Variants in PITPNC1 observed in about 807,000 individuals in gnomAD.
PITPNC1 encodes the protein phosphatidylinositol transfer protein cytoplasmic 1.
In PITPNC1, 18 loss-of-function variants were observed where a neutral mutation model predicts 44.7. The observed-to-expected ratio is 0.40, with a 90% CI of 0.28 to 0.60. The LOEUF is 0.60. PITPNC1 is among the 20% of genes least tolerant of loss of function. PITPNC1 has a pLI of 0.39. For synonymous variants in PITPNC1, 141 were observed against 149.6 expected (o/e 0.94, Z 0.42); for missense variants, 290 against 418.4 (o/e 0.69, Z 2.68).
At chr17:67,669,100 C>T (rs1441503220) in intron 6 of PITPNC1, among the ~76,000 whole-genome samples, 1 of 151,138 alleles carries the variant, frequency 6.6e-6, no homozygotes, top group African/African-American at 2.4e-5. Flanking sequence ...TACTTTCTGT[C>T]TCTATGTTTG....
In PITPNC1 at chr17:67,656,302, C is replaced by T. The variant is rs569490760; in HGVS notation, c.463-13206C>T. Among the ~76,000 whole-genome samples the T allele has an allele frequency of 4.6e-5, 7 of 152,260 alleles. No individual in the cohort carries two copies. In the South Asian group the frequency reaches 1.5e-3, roughly 32 times the overall value. ...GGGGACCATCCTTCCTTTCATCTTC[C>T]AGCGGCTCCAAAATTTCCTTGGTTT... is the stretch of plus-strand genomic sequence containing the variant. On this transcript the variant is annotated intron_variant, in intron 6 of 8. Coordinates refer to ENST00000581322, the MANE Select transcript of PITPNC1 (RefSeq NM_012417.4).
chr17:67,446,477 G>C (rs1199335302), intron 1 of PITPNC1, among the ~76,000 whole-genome samples: 2 of 149,636 alleles, frequency 1.3e-5, no homozygotes, highest in Admixed American at 6.7e-5. Flanking sequence ...CAGACATTGA[G>C]CATTAGGAGT....
At chr17:67,677,477 G>A (rs574586559) in intron 8 of PITPNC1, among the ~76,000 whole-genome samples, 2 of 152,200 alleles carry the variant, frequency 1.3e-5, no homozygotes, top group South Asian at 4.1e-4. Flanking sequence ...AACCCAGTGT[G>A]GGTGGGTATC....
chr17:67,459,113 CTTT>C (rs886333854), intron 1 of PITPNC1, among the ~76,000 whole-genome samples: 1,389 of 95,534 alleles, frequency 0.015, 20 homozygotes, highest in African/African-American at 0.055. Context: ...TTTTCTTTTT[CTTT>C]TTTTTTTTTT....
intron 1 of PITPNC1, among the ~76,000 whole-genome samples, chr17:67,499,563 G>A (rs1263934865): frequency 6.6e-6 from 1 of 152,176 alleles, no homozygotes; most frequent in Non-Finnish European, 1.5e-5. Flanking sequence ...GGCCTGAATA[G>A]CTGGTCTGCT....
intron 1 of PITPNC1, among the ~76,000 whole-genome samples, chr17:67,501,707 C>T (rs533695273): frequency 1.7e-3 from 259 of 152,222 alleles, no homozygotes; most frequent in Non-Finnish European, 2.8e-3. Context: ...GTGGTGGGAG[C>T]CTGTAATCCC....
At chr17:67,593,037 C>G (rs2041413248) in intron 5 of PITPNC1, among the ~76,000 whole-genome samples, 1 of 151,756 alleles carries the variant, frequency 6.6e-6, no homozygotes, top group African/African-American at 2.4e-5. Flanking sequence ...GACCCTGTCT[C>G]AAGAAAAAAA....
At chr17:67,379,289 G>C (rs954670132) in intron 1 of PITPNC1, 1 of 985,024 alleles carries the variant, frequency 1.0e-6, no homozygotes, top group African/African-American at 1.7e-5. Flanking sequence ...GCCACTACTT[G>C]GTGAGAGGGG....
At chr17:67,608,824 C>T (rs904438767) in intron 5 of PITPNC1, among the ~76,000 whole-genome samples, 8 of 151,710 alleles carry the variant, frequency 5.3e-5, no homozygotes, top group Admixed American at 3.9e-4. Context: ...CTTTGTCTCT[C>T]GTGACACTGA....
At chr17:67,495,063 T>TG (rs2039931231) in intron 1 of PITPNC1, among the ~76,000 whole-genome samples, 2 of 98,132 alleles carry the variant, frequency 2.0e-5, no homozygotes, top group African/African-American at 7.8e-5. Flanking sequence ...TTTTTTTTTT[T>TG]TTTTTTTTTT....
chr17:67,572,478 G>GGGC (rs1555668930), intron 4 of PITPNC1, among the ~76,000 whole-genome samples: 4 of 115,866 alleles, frequency 3.5e-5, no homozygotes, highest in Admixed American at 9.8e-5. Context: ...CGGGGGGGGG[G>GGGC]GGTAAAGAAG....
chr17:67,396,902 G>T (rs557239392), intron 1 of PITPNC1, among the ~76,000 whole-genome samples: 1 of 152,274 alleles, frequency 6.6e-6, no homozygotes, highest in Admixed American at 6.5e-5. Flanking sequence ...GAATCCTCCT[G>T]CCTCATCCTC....
intron 6 of PITPNC1, among the ~76,000 whole-genome samples, chr17:67,660,530 ATTTATTTATTTG>A (rs963798223): frequency 1.2e-4 from 17 of 138,154 alleles, no homozygotes; most frequent in African/African-American, 3.3e-4. Flanking sequence ...TTATTTATTT[ATTTATTTATTTG>A]TTTATTTATT....
intron 1 of PITPNC1, among the ~76,000 whole-genome samples, chr17:67,416,866 G>T (rs975318744): frequency 6.6e-6 from 1 of 151,980 alleles, no homozygotes; most frequent in East Asian, 1.9e-4. Context: ...AGGCTGGAGT[G>T]CAATGGCACA....
chr17:67,563,387 T>G (rs1208047513), intron 4 of PITPNC1, among the ~76,000 whole-genome samples: 3 of 152,208 alleles, frequency 2.0e-5, no homozygotes, highest in African/African-American at 7.2e-5. Context: ...GGAAATTGTC[T>G]TTTAAAAGCC....
At chr17:67,441,286 C>CT (rs2039009370) in intron 1 of PITPNC1, among the ~76,000 whole-genome samples, 1 of 150,470 alleles carries the variant, frequency 6.6e-6, no homozygotes, top group Non-Finnish European at 1.5e-5. Context: ...AGCCCCCCCC[C>CT]GCCACCCATC....
intron 5 of PITPNC1, among the ~76,000 whole-genome samples, chr17:67,579,703 C>A (rs2041202638): frequency 7.1e-6 from 1 of 139,982 alleles, no homozygotes; most frequent in Admixed American, 7.9e-5. Context: ...TGTTGGGAGG[C>A]CAAGGTGGGC....
intron 6 of PITPNC1, among the ~76,000 whole-genome samples, chr17:67,640,863 G>A (rs2042085733): frequency 6.7e-6 from 1 of 149,900 alleles, no homozygotes; most frequent in Non-Finnish European, 1.5e-5. Flanking sequence ...GGTGGCACAT[G>A]CCTGTAACCC....
chr17:67,450,860 A>C (rs1014479017), intron 1 of PITPNC1, among the ~76,000 whole-genome samples: 1 of 152,040 alleles, frequency 6.6e-6, no homozygotes, highest in African/African-American at 2.4e-5. Flanking sequence ...CTAACTCCCC[A>C]ATGTCCCCTT....
Sources: allele counts gnomAD v4.1 joint callset (sites outside exome capture counted in the v4.1 genomes callset), GRCh38; gene constraint gnomAD v4.1.1; transcripts MANE v1.5; gene names NCBI Gene and HGNC (gene_info 2026-07-23, HGNC 2026-07-21).